Variants in COL4A4 observed in about 807,000 individuals in gnomAD.
COL4A4 encodes the protein collagen alpha-4(IV) chain.
A neutral mutation model predicts 192.9 loss-of-function variants in COL4A4; 105 were observed. That is an observed-to-expected ratio of 0.54 (90% CI 0.46 to 0.64). The LOEUF is 0.64. COL4A4 is among the 30% of genes least tolerant of loss of function. COL4A4 has a pLI of 0.00. For synonymous variants in COL4A4, 762 were observed against 769.9 expected, an observed-to-expected ratio of 0.99 and a Z score of 0.17; for missense variants, 1,967 against 2,169.3, an observed-to-expected ratio of 0.91 and a Z score of 1.85.
intron 26 of COL4A4, among the ~76,000 whole-genome samples, 159 bp downstream of exon 26, chr2:227,062,371 C>T (rs1396321565): frequency 6.6e-6 from 1 of 152,106 alleles, no homozygotes; most frequent in Non-Finnish European, 1.5e-5. Flanking sequence ...GGCCCAACTA[C>T]AAATTACTAC....
chr2:227,021,192 A>T (rs1295868501), intron 44 of COL4A4, among the ~76,000 whole-genome samples: 1 of 152,060 alleles, frequency 6.6e-6, no homozygotes, highest in Non-Finnish European at 1.5e-5. Context: ...AATGGAGAAC[A>T]CTTTTTAAAA....
intron 19 of COL4A4, among the ~76,000 whole-genome samples, chr2:227,097,923 G>C (rs2060292918): frequency 1.3e-5 from 2 of 152,158 alleles, no homozygotes; most frequent in Admixed American, 1.3e-4. Flanking sequence ...TCTCCTCACA[G>C]GTTTAATCAG....
chr2:227,107,395 T>C (rs930152241), intron 12 of COL4A4, among the ~76,000 whole-genome samples: 4 of 152,232 alleles, frequency 2.6e-5, no homozygotes, highest in Non-Finnish European at 5.9e-5. Flanking sequence ...TCTCTGTGTA[T>C]ATTTTAATGT....
chr2:227,103,012 G>T, intron 14 of COL4A4, 132 bp downstream of exon 14: 1 of 1,044,524 alleles, frequency 9.6e-7, no homozygotes, highest in South Asian at 1.4e-5. Flanking sequence ...ATAGTATTAT[G>T]ATAAGATAGT....
At chr2:227,109,890 A>G (rs2061095738) in intron 9 of COL4A4, among the ~76,000 whole-genome samples, 1 of 152,226 alleles carries the variant, frequency 6.6e-6, no homozygotes. Context: ...GAGAGCAAAG[A>G]AAATGCATTA....
At chr2:227,111,250 T>C (rs2061189948) in intron 9 of COL4A4, among the ~76,000 whole-genome samples, 1 of 152,206 alleles carries the variant, frequency 6.6e-6, no homozygotes, top group African/African-American at 2.4e-5. Context: ...AAATATTAAA[T>C]ATAATATACA....
At chr2:227,109,350 T>C (rs2061046156) in intron 9 of COL4A4, 64 bp from the exon 10 acceptor site, 15 of 1,280,450 alleles carry the variant, frequency 1.2e-5, no homozygotes, top group East Asian at 2.3e-5. Flanking sequence ...ACAGAAAGAG[T>C]TGCGTGTGAT....
intron 4 of COL4A4, among the ~76,000 whole-genome samples, chr2:227,138,933 C>T (rs1204114961): frequency 6.6e-6 from 1 of 152,214 alleles, no homozygotes; most frequent in Non-Finnish European, 1.5e-5. Context: ...CAGCCCCCTA[C>T]AATTGACTTG....
At chr2:227,156,675 C>T (rs557227531) in intron 1 of COL4A4, among the ~76,000 whole-genome samples, 4 of 152,056 alleles carry the variant, frequency 2.6e-5, no homozygotes, top group Non-Finnish European at 5.9e-5. Context: ...AAAAGATATA[C>T]CACACAAACA....
intron 4 of COL4A4, among the ~76,000 whole-genome samples, chr2:227,129,072 AC>A (rs1354385527): frequency 6.6e-6 from 1 of 152,190 alleles, no homozygotes; most frequent in Non-Finnish European, 1.5e-5. Flanking sequence ...GCCACCATGT[AC>A]AAATCTAGAC....
chr2:227,145,314 G>A (rs940313189), intron 2 of COL4A4, among the ~76,000 whole-genome samples: 1 of 152,056 alleles, frequency 6.6e-6, no homozygotes, highest in South Asian at 2.1e-4. Context: ...GGGCATGGTG[G>A]TGCATGCCTG....
chr2:227,046,508 C>T (rs536202786), intron 35 of COL4A4, among the ~76,000 whole-genome samples: 165 of 152,062 alleles, frequency 1.1e-3, no homozygotes, highest in Non-Finnish European at 2.1e-3. Flanking sequence ...CCTGGGCATG[C>T]ATCTTTGTAC....
intron 35 of COL4A4, among the ~76,000 whole-genome samples, chr2:227,046,043 C>CATATATACTATCTAAATATATATACGT (rs1553636021): frequency 0.27 from 20,953 of 76,708 alleles, 2,723 homozygotes; most frequent in South Asian, 0.35. Flanking sequence ...TACATATATA[C>CATATATACTATCTAAATATATATACGT]ATATATACTA....
At chr2:227,029,268 C>T (rs1164700642) in intron 41 of COL4A4, among the ~76,000 whole-genome samples, 1 of 152,208 alleles carries the variant, frequency 6.6e-6, no homozygotes. Flanking sequence ...CCTAGAGTAA[C>T]TAAGGAGGAG....
intron 19 of COL4A4, among the ~76,000 whole-genome samples, chr2:227,094,930 T>A (rs2150696550): frequency 6.6e-6 from 1 of 152,332 alleles, no homozygotes; most frequent in Admixed American, 6.5e-5. Flanking sequence ...AAAGTTTGCT[T>A]TTCCACAGAA....
In COL4A4 at chr2:227,059,698, G is replaced by A. The variant is rs913612636; in HGVS notation, c.2165-75C>T. 3.6e-6 allele frequency: 4 copies of A among 1,121,902 alleles called. No individual in the cohort carries two copies. The African/African-American group carries it at 6.2e-5, about 17-fold the overall frequency. The allele number at this position is 1,121,902 out of a possible 1,614,324, so 69.5% of individuals were successfully genotyped here. A position where few individuals can be genotyped will look rare whatever the true frequency, so the allele number is the denominator to read the frequency against. On this transcript the variant is annotated intron_variant, in intron 27 of 47. Transcript: ENST00000396625. ...AACCAATACATATAAGACTTACTTT[G>A]ATAAAAATACTTTTCTTAAAAACAC...
chr2:227,047,375 A>G, intron 35 of COL4A4, 100 bp downstream of exon 35: 1 of 847,912 alleles, frequency 1.2e-6, no homozygotes, highest in Non-Finnish European at 2.0e-6. Flanking sequence ...ACAAAGGGGT[A>G]AGAAAATATT....
intron 44 of COL4A4, among the ~76,000 whole-genome samples, chr2:227,021,650 C>T (rs527424390): frequency 1.3e-5 from 2 of 152,090 alleles, no homozygotes; most frequent in East Asian, 3.9e-4. Flanking sequence ...TCGGTGAAAC[C>T]CCATCTCCAC....
At chr2:226,990,386 G>C in the COL4A4 span, among the ~76,000 whole-genome samples, 1 of 152,148 alleles carries the variant, frequency 6.6e-6, no homozygotes. Context: ...TTATTTAGAG[G>C]TTTCCTGGTT....
Sources: allele counts gnomAD v4.1 joint callset (sites outside exome capture counted in the v4.1 genomes callset), GRCh38; gene constraint gnomAD v4.1.1; transcripts MANE v1.5; gene names NCBI Gene and HGNC (gene_info 2026-07-23, HGNC 2026-07-21).